PDE4B: variants seen among roughly 807,000 people sequenced by gnomAD.
The protein encoded by PDE4B is 3',5'-cyclic-AMP phosphodiesterase 4B.
A neutral mutation model predicts 82.2 loss-of-function variants in PDE4B; 20 were observed. That is an observed-to-expected ratio of 0.24 (90% CI 0.17 to 0.35). The LOEUF is 0.35. PDE4B is among the 10% of genes least tolerant of loss of function. The probability of loss-of-function intolerance (pLI) is 1.00; values close to 1 mark genes in which losing one functional copy is unlikely to be tolerated. For missense variants in PDE4B, 655 were observed against 907.2 expected, an observed-to-expected ratio of 0.72 and a Z score of 3.57; for synonymous variants, 320 against 318.9, an observed-to-expected ratio of 1.00 and a Z score of -0.04.
chr1:65,988,100 T>G (rs2100669178), intron 3 of PDE4B, among the ~76,000 whole-genome samples: 1 of 152,350 alleles, frequency 6.6e-6, no homozygotes, highest in Middle Eastern at 3.4e-3. Context: ...ATTTCAACAG[T>G]ATTTGTCTGA....
At chr1:66,338,693 C>A (rs888872972) in intron 8 of PDE4B, among the ~76,000 whole-genome samples, 12 of 152,194 alleles carry the variant, frequency 7.9e-5, no homozygotes, top group African/African-American at 2.9e-4. Context: ...TCCCTTTTTC[C>A]CTGCTTCTCA....
At chr1:65,810,555 TGA>T (rs1311359910) in intron 1 of PDE4B, among the ~76,000 whole-genome samples, 1 of 152,122 alleles carries the variant, frequency 6.6e-6, no homozygotes, top group African/African-American at 2.4e-5. Context: ...AAATATTTAT[TGA>T]GAGTTTCAGT....
rs1645023637 is a variant in PDE4B at position 66,091,473 on chromosome 1, T to C, written c.282-155987T>C. 2.0e-5 allele frequency among the ~76,000 whole-genome samples: 3 copies of C among 152,120 alleles called. No homozygotes were observed. In the South Asian group the frequency reaches 6.2e-4, roughly 31 times the overall value. On this transcript the variant is annotated intron_variant, in intron 3 of 16. Transcript: ENST00000341517. Reference sequence around the variant, plus strand: ...TGTTAATGACACTAATAAATAATTATGTAGCAATTGCAAAGTAAAATCACA... The same window carrying C: ...TGTTAATGACACTAATAAATAATTACGTAGCAATTGCAAAGTAAAATCACA...
At chr1:66,323,691 A>G (rs1659566828) in intron 7 of PDE4B, among the ~76,000 whole-genome samples, 1 of 152,200 alleles carries the variant, frequency 6.6e-6, no homozygotes, top group African/African-American at 2.4e-5. Flanking sequence ...CAGCCCATTA[A>G]AATAGATACT....
chr1:66,021,661 A>G (rs536162355), intron 3 of PDE4B, among the ~76,000 whole-genome samples: 72 of 152,230 alleles, frequency 4.7e-4, no homozygotes, highest in African/African-American at 1.7e-3. Context: ...GTTCTGTTCC[A>G]TTGATCTATA....
At chr1:65,840,837 G>A (rs544553348) in intron 1 of PDE4B, among the ~76,000 whole-genome samples, 17 of 152,228 alleles carry the variant, frequency 1.1e-4, no homozygotes, top group Non-Finnish European at 2.2e-4. Context: ...TCCCCTTGTC[G>A]CATTGAATCA....
rs561202075 is a variant in PDE4B at position 66,307,490 on chromosome 1, A to C, written c.635-25018A>C. On this transcript the variant is annotated intron_variant, in intron 7 of 16. Transcript: ENST00000341517. ...AAAGTGGTGAAGTGGATGGAATTCA[A>C]ATTGACCTTTATCTCATCAGTGAGG... Among the ~76,000 whole-genome samples, 5 of 152,296 alleles carry C rather than the reference A, an allele frequency of 3.3e-5. No homozygotes were observed. In the East Asian group the frequency reaches 9.6e-4, roughly 29 times the overall value.
intron 3 of PDE4B, among the ~76,000 whole-genome samples, chr1:66,186,510 T>C (rs958586950): frequency 1.3e-5 from 2 of 152,238 alleles, no homozygotes; most frequent in African/African-American, 2.4e-5. Context: ...TTTTATTTCA[T>C]TGAGCAGTGG....
chr1:65,854,361 A>G (rs1166708835), intron 1 of PDE4B, among the ~76,000 whole-genome samples: 6 of 150,986 alleles, frequency 4.0e-5, no homozygotes, highest in Non-Finnish European at 3.0e-5. Context: ...TTTTTTGTGG[A>G]CTCATTTTCA....
chr1:65,818,672 T>TCA (rs529094917), intron 1 of PDE4B, among the ~76,000 whole-genome samples: 4,286 of 86,870 alleles, frequency 0.049, 169 homozygotes, highest in East Asian at 0.12. Context: ...ACATATATAT[T>TCA]CACACACACA....
intron 10 of PDE4B, among the ~76,000 whole-genome samples, chr1:66,362,906 T>G (rs1213476081): frequency 6.6e-6 from 1 of 152,202 alleles, no homozygotes; most frequent in Admixed American, 6.5e-5. Flanking sequence ...GACTGATGCA[T>G]GTCCAATATA....
intron 3 of PDE4B, among the ~76,000 whole-genome samples, chr1:66,032,272 G>T (rs1358592853): frequency 2.0e-5 from 3 of 152,210 alleles, no homozygotes; most frequent in African/African-American, 7.2e-5. Flanking sequence ...GTGATACAAT[G>T]TTGGCAGTAT....
intron 1 of PDE4B, among the ~76,000 whole-genome samples, chr1:65,873,181 G>GC (rs1014891139): frequency 6.6e-6 from 1 of 152,110 alleles, no homozygotes; most frequent in African/African-American, 2.4e-5. Context: ...AGAAAAGGAA[G>GC]TCCTTTTACT....
chr1:66,333,880 G>A (rs634460), intron 8 of PDE4B, among the ~76,000 whole-genome samples: 99,010 of 151,208 alleles, frequency 0.65, 32,479 homozygotes, highest in East Asian at 0.81. Context: ...AGTTGGAAGG[G>A]AAAAAAAAAG....
At chr1:66,255,970 C>G (rs1654191229) in intron 4 of PDE4B, among the ~76,000 whole-genome samples, 1 of 152,030 alleles carries the variant, frequency 6.6e-6, no homozygotes, top group African/African-American at 2.4e-5. Context: ...TTGAGAGCAG[C>G]CTGGGCAACA....
intron 3 of PDE4B, among the ~76,000 whole-genome samples, chr1:66,079,935 C>T (rs1318740699): frequency 2.0e-5 from 3 of 152,036 alleles, no homozygotes; most frequent in African/African-American, 7.2e-5. Context: ...AATTTTAATA[C>T]TTGTTGGACA....
At chr1:65,901,602 G>A (rs901188711) in intron 1 of PDE4B, among the ~76,000 whole-genome samples, 1 of 152,020 alleles carries the variant, frequency 6.6e-6, no homozygotes, top group Non-Finnish European at 1.5e-5. Context: ...TCTATTCAGA[G>A]TTTCAATTTA....
At chr1:65,876,676 G>A (rs1158031596) in intron 1 of PDE4B, among the ~76,000 whole-genome samples, 2 of 151,986 alleles carry the variant, frequency 1.3e-5, no homozygotes, top group Admixed American at 1.3e-4. Context: ...ATGACACATT[G>A]TATGTATATA....
At chr1:66,227,485 G>A (rs1651548322) in intron 3 of PDE4B, among the ~76,000 whole-genome samples, 1 of 152,106 alleles carries the variant, frequency 6.6e-6, no homozygotes. Flanking sequence ...AAAGTGTCCA[G>A]AAAAATATAA....
Sources: gnomAD v4.1 joint callset for allele counts (sites outside exome capture counted in the v4.1 genomes callset) on GRCh38, gnomAD v4.1.1 for gene constraint, MANE v1.5 for transcripts, NCBI Gene and HGNC (gene_info 2026-07-23, HGNC 2026-07-21) for gene names.